Variants in LGSN observed in about 807,000 individuals in gnomAD.
The protein encoded by LGSN is lengsin.
A neutral mutation model predicts 19.5 loss-of-function variants in LGSN; 21 were observed. That is an observed-to-expected ratio of 1.07 (90% CI 0.76 to 1.55). The LOEUF (loss-of-function observed/expected upper bound fraction) is 1.55. LGSN is among the 40% of genes most tolerant of loss of function. The probability of loss-of-function intolerance (pLI) is 0.00; values close to 1 mark genes in which losing one functional copy is unlikely to be tolerated. For synonymous variants in LGSN, 257 were observed against 215.6 expected (o/e 1.19, Z -1.68); for missense variants, 673 against 608.5 (o/e 1.11, Z -1.12).
the LGSN span, among the ~76,000 whole-genome samples, chr6:63,539,720 G>A: frequency 1.4e-3 from 207 of 151,612 alleles, no homozygotes; most frequent in Middle Eastern, 6.8e-3. Context: ...AGTGAGCTGA[G>A]ATCGTACCAC....
the LGSN span, among the ~76,000 whole-genome samples, chr6:63,547,369 T>C: frequency 2.0e-5 from 3 of 151,140 alleles, no homozygotes; most frequent in African/African-American, 7.3e-5. Flanking sequence ...TTTGTATTTT[T>C]AGTAGAGATA....
At chr6:63,506,502 A>T in the LGSN span, among the ~76,000 whole-genome samples, 1 of 151,770 alleles carries the variant, frequency 6.6e-6, no homozygotes, top group Non-Finnish European at 1.5e-5. Context: ...TGACCTCGTG[A>T]TCCACCCTCC....
chr6:63,389,957 G>T, the LGSN span, among the ~76,000 whole-genome samples: 1 of 151,740 alleles, frequency 6.6e-6, no homozygotes, highest in South Asian at 2.1e-4. Context: ...AATGGTGAGA[G>T]AAAATTTTCT....
At chr6:63,505,633 G>GAAAGAAAGAAAGAAATAAATAAAT in the LGSN span, among the ~76,000 whole-genome samples, 46 of 97,218 alleles carry the variant, frequency 4.7e-4, 3 homozygotes, top group African/African-American at 1.6e-3. Context: ...AAGAAAGAAA[G>GAAAGAAAGAAAGAAATAAATAAAT]AAATTCTGGC....
the LGSN span, among the ~76,000 whole-genome samples, chr6:63,504,175 G>A: frequency 6.6e-6 from 1 of 150,544 alleles, no homozygotes; most frequent in Non-Finnish European, 1.5e-5. Context: ...TTTTGTTCTT[G>A]TCACTCAGGC....
chr6:63,283,119 A>T (rs1458745437), intron 3 of LGSN, among the ~76,000 whole-genome samples: 10 of 152,172 alleles, frequency 6.6e-5, no homozygotes, highest in Non-Finnish European at 1.2e-4. Flanking sequence ...TATTCTTTTG[A>T]TTATTTAATT....
chr6:63,546,340 T>C, the LGSN span, among the ~76,000 whole-genome samples: 2 of 152,126 alleles, frequency 1.3e-5, no homozygotes, highest in Admixed American at 6.6e-5. Flanking sequence ...GTCAAAATCA[T>C]AGAAGCAGAG....
the LGSN span, among the ~76,000 whole-genome samples, chr6:63,453,745 C>T: frequency 6.6e-6 from 1 of 152,132 alleles, no homozygotes; most frequent in South Asian, 2.1e-4. Context: ...GCTCCGCCTC[C>T]CGGGTTCACA....
At chr6:63,346,937 G>C in the LGSN span, among the ~76,000 whole-genome samples, 4 of 152,140 alleles carry the variant, frequency 2.6e-5, no homozygotes, top group Non-Finnish European at 4.4e-5. Flanking sequence ...AAGCTGAGAG[G>C]GGTAGCATCT....
upstream of LGSN, among the ~76,000 whole-genome samples, chr6:63,320,640 G>T (rs1769049478): frequency 6.6e-6 from 1 of 152,110 alleles, no homozygotes; most frequent in Non-Finnish European, 1.5e-5. Flanking sequence ...GAGGAAATAG[G>T]GAATGCTTTC....
At chr6:63,532,556 G>A in the LGSN span, among the ~76,000 whole-genome samples, 1 of 151,820 alleles carries the variant, frequency 6.6e-6, no homozygotes, top group African/African-American at 2.4e-5. Context: ...GTAAATAAAT[G>A]CCATTAAATC....
chr6:63,319,433 C>T (rs1318094367), intron 1 of LGSN, among the ~76,000 whole-genome samples: 1 of 152,148 alleles, frequency 6.6e-6, no homozygotes, highest in Non-Finnish European at 1.5e-5. Context: ...ATGTTGACAA[C>T]TGATTATTTT....
At chr6:63,349,399 G>A in the LGSN span, among the ~76,000 whole-genome samples, 5 of 152,238 alleles carry the variant, frequency 3.3e-5, no homozygotes, top group South Asian at 4.1e-4. Flanking sequence ...AACCCTTGGT[G>A]CAAAAACACC....
chr6:63,367,274 G>A, the LGSN span, among the ~76,000 whole-genome samples: 11 of 152,020 alleles, frequency 7.2e-5, no homozygotes, highest in Non-Finnish European at 1.5e-4. Flanking sequence ...TCAAAAAGTG[G>A]GTGAAGGACA....
chr6:63,467,395 ACAAT>A, the LGSN span, among the ~76,000 whole-genome samples: 3 of 152,132 alleles, frequency 2.0e-5, no homozygotes, highest in Non-Finnish European at 2.9e-5. Context: ...AAAATAAAAC[ACAAT>A]CAGTGTATTT....
the LGSN span, among the ~76,000 whole-genome samples, chr6:63,473,554 C>G: frequency 3.2e-4 from 48 of 151,280 alleles, no homozygotes; most frequent in East Asian, 8.9e-3. Flanking sequence ...CACACCAGTC[C>G]TGCTCTCCCA....
At chr6:63,453,829 A>G in the LGSN span, among the ~76,000 whole-genome samples, 1 of 151,516 alleles carries the variant, frequency 6.6e-6, no homozygotes, top group Admixed American at 6.6e-5. Flanking sequence ...AATTTTTTGT[A>G]TTTTGTTTAG....
chr6:63,403,007 G>T, the LGSN span, among the ~76,000 whole-genome samples: 1 of 151,816 alleles, frequency 6.6e-6, no homozygotes, highest in Non-Finnish European at 1.5e-5. Flanking sequence ...CTACCCTGTA[G>T]ATTTTATACT....
the LGSN span, among the ~76,000 whole-genome samples, chr6:63,394,465 A>T: frequency 2.0e-5 from 3 of 152,144 alleles, no homozygotes; most frequent in East Asian, 3.9e-4. Flanking sequence ...TCAGGAAGTT[A>T]CTCTGTATGG....
Sources: gnomAD v4.1 joint callset for allele counts (sites outside exome capture counted in the v4.1 genomes callset) on GRCh38, gnomAD v4.1.1 for gene constraint, MANE v1.5 for transcripts, NCBI Gene and HGNC (gene_info 2026-07-23, HGNC 2026-07-21) for gene names.